The following SLC41A3 variants were observed in gnomAD, a reference collection of about 807,000 sequenced individuals.
The protein encoded by SLC41A3 is SLC41A1-like 2.
SLC41A3 carries 44 observed loss-of-function variants against 45.4 expected under a neutral mutation model. The ratio of observed to expected loss-of-function variants is 0.97; its 90% CI spans 0.76 to 1.25. The LOEUF is 1.25. SLC41A3 is among the 50% of genes most tolerant of loss of function. SLC41A3 has a pLI of 0.00. For synonymous variants in SLC41A3, 256 were observed against 252.4 expected (o/e 1.01, Z -0.13); for missense variants, 550 against 600.6 (o/e 0.92, Z 0.88).
chr3:126,067,904 T>A, intron 2 of SLC41A3, 43 bp downstream of exon 2: 1 of 1,532,568 alleles, frequency 6.5e-7, no homozygotes, highest in Non-Finnish European at 8.8e-7. Flanking sequence ...TAGGTGATGT[T>A]CGGCAGTGCC....
At chr3:126,063,808 T>C (rs1369517264) in intron 2 of SLC41A3, among the ~76,000 whole-genome samples, 1 of 152,148 alleles carries the variant, frequency 6.6e-6, no homozygotes, top group Non-Finnish European at 1.5e-5. Flanking sequence ...GTGGAGCCTC[T>C]ACTTCCTGGG....
intron 1 of SLC41A3, chr3:126,079,070 G>A (rs6796610): frequency 0.23 from 35,661 of 152,126 alleles, 4,564 homozygotes; most frequent in Non-Finnish European, 0.28. Context: ...CTTATGGACA[G>A]GAACAAAGAG....
chr3:126,048,226 A>C (rs988272688), intron 3 of SLC41A3, among the ~76,000 whole-genome samples: 3 of 152,146 alleles, frequency 2.0e-5, no homozygotes, highest in Admixed American at 6.5e-5. Context: ...CCATTCAGGA[A>C]CTTCTCTCTC....
chr3:126,051,146 C>G, intron 2 of SLC41A3, 96 bp from the exon 3 acceptor site: 2 of 1,339,692 alleles, frequency 1.5e-6, no homozygotes, highest in South Asian at 3.6e-5. Flanking sequence ...CTTTTCACTC[C>G]CTATAAAATG....
At position 126,030,233 on chromosome 3, in the gene SLC41A3, TAA is replaced by T. The variant is rs771775686; in HGVS notation, c.453+3372_453+3373del. The stretch of plus-strand genomic sequence containing the variant: ...CCTTTTATGTTTAAACAATATATAT[TAA>T]GTTATATAAAACTTTATAACATATA... On this transcript the variant is annotated intron_variant, in intron 4 of 10. Transcript: ENST00000360370. Among the ~76,000 whole-genome samples the T allele has an allele frequency of 1.5e-3, 223 of 145,002 alleles. 1 individual carries two copies. The highest frequency in any genetic ancestry group is 2.7e-3 in the Non-Finnish European group (176 of 66,068).
At chr3:126,052,595 G>A (rs1943403599) in intron 2 of SLC41A3, among the ~76,000 whole-genome samples, 1 of 152,158 alleles carries the variant, frequency 6.6e-6, no homozygotes, top group South Asian at 2.1e-4. Flanking sequence ...CCTAAAGGAA[G>A]TGGTGGCCTC....
At chr3:126,086,723 C>A (rs1190489319), upstream of SLC41A3, among the ~76,000 whole-genome samples, 1 of 152,046 alleles carries the variant, frequency 6.6e-6, no homozygotes, top group East Asian at 1.9e-4. Context: ...TAGCTGACAA[C>A]TGCCCAGGGT....
chr3:126,078,784 G>A (rs1265352012), intron 1 of SLC41A3, among the ~76,000 whole-genome samples: 1 of 152,066 alleles, frequency 6.6e-6, no homozygotes, highest in African/African-American at 2.4e-5. Context: ...GCACCTACAA[G>A]GAACCCCTCT....
upstream of SLC41A3, among the ~76,000 whole-genome samples, chr3:126,086,108 AAG>A (rs1945382773): frequency 6.6e-6 from 1 of 152,196 alleles, no homozygotes; most frequent in African/African-American, 2.4e-5. Context: ...AAGAAAAAAA[AAG>A]GTGGGAAACA....
chr3:126,058,818 A>G (rs9837077), intron 2 of SLC41A3, among the ~76,000 whole-genome samples: 100,142 of 151,998 alleles, frequency 0.66, 33,249 homozygotes, highest in Middle Eastern at 0.72. Context: ...AGCTGCAGAC[A>G]GAACTTCTCA....
At chr3:126,092,378 C>T (rs1484640146) in intron 1 of SLC41A3, among the ~76,000 whole-genome samples, 1 of 152,262 alleles carries the variant, frequency 6.6e-6, no homozygotes, top group Non-Finnish European at 1.5e-5. Flanking sequence ...CGGCCCATCC[C>T]TTCATTTCCC....
Position 126,026,243 on chromosome 3 carries a change from C to T in SLC41A3, c.598+92G>A. 1 of 1,499,510 alleles carries T rather than the reference C, an allele frequency of 6.7e-7. No individual in the cohort carries two copies. Among genetic ancestry groups the T allele is most frequent in the Non-Finnish European group, 9.0e-7 (1 of 1,116,800 alleles). 92.9% of individuals were successfully genotyped at this position (1,499,510 alleles called of 1,614,324 possible). On this transcript the variant is annotated intron_variant, in intron 5 of 10. Transcript: ENST00000360370. The surrounding 1 kb of genome is among the most constrained non-coding windows in gnomAD (Gnocchi z 4.2). ...TCAGTCCCATTAGCAGTGGGACTCA[C>T]ACCCCCAGAAACTGAAAACACAATG...
intron 4 of SLC41A3, among the ~76,000 whole-genome samples, chr3:126,029,835 CA>C (rs2107750088): frequency 6.6e-6 from 1 of 152,106 alleles, no homozygotes; most frequent in East Asian, 1.9e-4. Flanking sequence ...CTGACAGAAA[CA>C]AATAGATCAG....
At chr3:126,037,447 A>T (rs930561304) in intron 3 of SLC41A3, among the ~76,000 whole-genome samples, 1 of 152,192 alleles carries the variant, frequency 6.6e-6, no homozygotes, top group Non-Finnish European at 1.5e-5. Flanking sequence ...CTCAGGTGGA[A>T]ATGACAAAGT....
intron 1 of SLC41A3, among the ~76,000 whole-genome samples, chr3:126,077,717 A>C (rs573638569): frequency 6.6e-6 from 1 of 152,276 alleles, no homozygotes; most frequent in South Asian, 2.1e-4. Context: ...ATTCAGGAGG[A>C]GCTGACGGAA....
chr3:126,074,743 C>T lies in SLC41A3; in HGVS notation c.-27-6497G>A, dbSNP rs898872087. Among the ~76,000 whole-genome samples, 7 of 152,114 alleles carry T rather than the reference C, an allele frequency of 4.6e-5. 1 individual carries two copies. The highest frequency in any genetic ancestry group is 2.6e-4 in the Admixed American group (4 of 15,272). On this transcript the variant is annotated intron_variant, in intron 1 of 10. Transcript: ENST00000360370. ...TCACCTAGGCAGGAGTGCAGTGGCA[C>T]GATCATAGCTCACTGCACCCTCAAC...
chr3:126,085,822 T>TGG (rs34930232), upstream of SLC41A3, among the ~76,000 whole-genome samples: 1 of 150,098 alleles, frequency 6.7e-6, no homozygotes. Flanking sequence ...TGGGAGTGTC[T>TGG]GGGGGGGGGT....
At chr3:126,034,550 G>A (rs1942046417) in intron 3 of SLC41A3, among the ~76,000 whole-genome samples, 1 of 152,236 alleles carries the variant, frequency 6.6e-6, no homozygotes, top group South Asian at 2.1e-4. Context: ...CCTGACTGTG[G>A]TTAGGCCTCA....
intron 3 of SLC41A3, among the ~76,000 whole-genome samples, chr3:126,041,505 C>T (rs939680936): frequency 6.6e-6 from 1 of 152,072 alleles, no homozygotes; most frequent in Non-Finnish European, 1.5e-5. Context: ...CTCAAAAGGG[C>T]GCAGGCTTCC....
Sources: allele counts gnomAD v4.1 joint callset (sites outside exome capture counted in the v4.1 genomes callset), GRCh38; gene constraint gnomAD v4.1.1; non-coding constraint Gnocchi (gnomAD v3.1); transcripts MANE v1.5; gene names NCBI Gene and HGNC (gene_info 2026-07-23, HGNC 2026-07-21).